PCLO: variants seen among roughly 807,000 people sequenced by gnomAD.
PCLO encodes the protein piccolo presynaptic cytomatrix protein.
PCLO carries 82 observed loss-of-function variants against 427.5 expected under a neutral mutation model. The observed-to-expected ratio is 0.19, with a 90% CI of 0.16 to 0.23. PCLO has a LOEUF of 0.23. Among genes scored for constraint, PCLO ranks in the 10% least tolerant of loss-of-function variants. The probability of loss-of-function intolerance (pLI) is 1.00; values close to 1 mark genes in which losing one functional copy is unlikely to be tolerated. For synonymous variants in PCLO, 2,357 were observed against 2,155.4 expected (o/e 1.09, Z -2.59); for missense variants, 6,239 against 6,115.9 (o/e 1.02, Z -0.67).
intron 20 of PCLO, among the ~76,000 whole-genome samples, chr7:82,811,400 CTGT>C (rs1405116190): frequency 4.6e-5 from 7 of 151,290 alleles, no homozygotes; most frequent in African/African-American, 1.7e-4. Context: ...TGTCATCTAC[CTGT>C]TGTTATTGCT....
Position 82,754,884 on chromosome 7 carries a change from T to C in PCLO, c.*3691A>G, listed in dbSNP as rs1241475480. 1.3e-5 allele frequency: 2 copies of C among 152,086 alleles called. No individual in the cohort carries two copies. The highest frequency in any genetic ancestry group is 4.8e-5 in the African/African-American group (2 of 41,444). The allele number at this position is 152,086 out of a possible 1,614,324, so 9.4% of individuals were successfully genotyped here. Reference sequence around the variant, plus strand: ...CTGTCACACATAACACATATATAGCTGTAGTTGGCTGATTTTGGAATATTT... The same window carrying C: ...CTGTCACACATAACACATATATAGCCGTAGTTGGCTGATTTTGGAATATTT... On this transcript the variant is annotated 3_prime_UTR_variant, in exon 25 of 25. Transcript: ENST00000333891.
chr7:82,939,070 C>A (rs1795020831), intron 6 of PCLO, among the ~76,000 whole-genome samples: 2 of 152,058 alleles, frequency 1.3e-5, no homozygotes, highest in Non-Finnish European at 2.9e-5. Flanking sequence ...GCCCGCGAAC[C>A]TTTCCATTCT....
intron 3 of PCLO, among the ~76,000 whole-genome samples, chr7:83,099,396 T>G (rs1184655254): frequency 2.0e-5 from 3 of 151,356 alleles, no homozygotes; most frequent in African/African-American, 4.9e-5. Context: ...TTTTTGTTTT[T>G]TTTTTTTTTG....
At chr7:82,812,878 G>A (rs1334909409) in intron 20 of PCLO, among the ~76,000 whole-genome samples, 1 of 151,142 alleles carries the variant, frequency 6.6e-6, no homozygotes, top group Non-Finnish European at 1.5e-5. Context: ...CTTGCATTAG[G>A]CTGTCAGATA....
chr7:83,153,846 C>T (rs903196855), intron 2 of PCLO, among the ~76,000 whole-genome samples: 2 of 151,968 alleles, frequency 1.3e-5, no homozygotes, highest in Admixed American at 1.3e-4. Context: ...TTCTTAATGC[C>T]AGAGAATTTC....
At chr7:82,814,007 T>G (rs2115587745) in intron 20 of PCLO, among the ~76,000 whole-genome samples, 1 of 151,916 alleles carries the variant, frequency 6.6e-6, no homozygotes, top group Non-Finnish European at 1.5e-5. Flanking sequence ...ATTGATAATT[T>G]ATAAACAACT....
In PCLO at chr7:82,916,053, T is replaced by A. The variant is rs766896112; in HGVS notation, c.11933A>T (p.Tyr3978Phe). The A allele has an allele frequency of 2.5e-6, 4 of 1,613,132 alleles. No homozygotes were observed. The highest frequency in any genetic ancestry group is 4.5e-5 in the East Asian group (2 of 44,876). Residue 3978 changes from tyrosine to phenylalanine, a missense_variant, in exon 7 of 25, where the codon TAT becomes TTT. Transcript: ENST00000333891. ...AAGGGGTTGGTTGCGAATCACTTCA[T>A]AGTTTGAGGTTATCTTGGGCTCCAA... ...LYLEPKITSN[Y>F]EVIRNQPLMI...
chr7:83,001,911 G>A (rs369606910), intron 3 of PCLO, among the ~76,000 whole-genome samples: 1 of 151,948 alleles, frequency 6.6e-6, no homozygotes, highest in Non-Finnish European at 1.5e-5. Flanking sequence ...CTACATAAAG[G>A]TTTGGGATTC....
intron 12 of PCLO, 45 bp from the exon 13 acceptor site, chr7:82,845,530 G>A (rs1253348174): frequency 3.1e-6 from 4 of 1,290,282 alleles, no homozygotes; most frequent in East Asian, 4.8e-5. Flanking sequence ...CATTTCATAG[G>A]TACTTTATAC....
chr7:83,104,180 G>C (rs535704995), intron 3 of PCLO, among the ~76,000 whole-genome samples: 29 of 104,350 alleles, frequency 2.8e-4, no homozygotes, highest in African/African-American at 1.0e-3. Flanking sequence ...GAAAAATAAA[G>C]ACTTTAAATA....
chr7:82,837,839 T>C (rs914213358), intron 15 of PCLO, among the ~76,000 whole-genome samples: 1 of 152,020 alleles, frequency 6.6e-6, no homozygotes, highest in Non-Finnish European at 1.5e-5. Context: ...CAGTAACTTG[T>C]AAGTCCTTGA....
At chr7:82,956,988 A>G (rs992260241) in intron 4 of PCLO, 53 bp from the exon 5 acceptor site, 8 of 1,468,978 alleles carry the variant, frequency 5.4e-6, no homozygotes, top group Middle Eastern at 1.8e-4. Context: ...AACTAAAAAC[A>G]TGGCCTCTCC....
At chr7:83,028,763 T>C (rs1268415565) in intron 3 of PCLO, among the ~76,000 whole-genome samples, 2 of 150,252 alleles carry the variant, frequency 1.3e-5, no homozygotes, top group East Asian at 3.9e-4. Flanking sequence ...AACAGAGATA[T>C]AGATCAATGG....
At chr7:82,976,976 T>C (rs1320698635) in intron 3 of PCLO, among the ~76,000 whole-genome samples, 1 of 152,200 alleles carries the variant, frequency 6.6e-6, no homozygotes, top group Admixed American at 6.5e-5. Flanking sequence ...AGCATTTGCC[T>C]CCCAAAGTTC....
Position 83,154,994 on chromosome 7 carries a change from G to A in PCLO, c.1647C>T (p.Pro549=). 6.2e-7 allele frequency: 1 copy of A among 1,614,010 alleles called. No individual in the cohort carries two copies. The highest frequency in any genetic ancestry group is 2.2e-5 in the East Asian group (1 of 44,878). Residue 549 remains proline, a synonymous_variant, in exon 2 of 25, where the codon CCC becomes CCT. Transcript: ENST00000333891. ...PSAQQPSPAK[P]SAQQSTKPVS... ...CTGGTTTTGTAGATTGCTGAGCCGA[G>A]GGCTTTGCTGGGCTAGGCTGTTGAG...
rs746260871 is a variant in PCLO, at chr7:82,949,964, G to T, written c.10624C>A (p.Arg3542=). 1 of 1,613,276 alleles carries T rather than the reference G, an allele frequency of 6.2e-7. No individual in the cohort carries two copies. Among genetic ancestry groups the T allele is most frequent in the African/African-American group, 1.3e-5 (1 of 74,708 alleles). The change falls in exon 6 of 25, where the codon CGA becomes AGA. Residue 3542 remains arginine, a synonymous_variant. Coordinates refer to ENST00000333891, the MANE Select transcript of PCLO (RefSeq NM_033026.6). ...ATTATTTCTACCTTGGCATCCACTC[G>T]TGCCCGTATGGAGGGTGTTCTTATG... ...GTIRTPSIRA[R]VDAKVEIIKH...
intron 4 of PCLO, among the ~76,000 whole-genome samples, chr7:82,959,788 T>A (rs540929523): frequency 4.7e-5 from 7 of 148,760 alleles, no homozygotes; most frequent in Non-Finnish European, 1.0e-4. Flanking sequence ...GATGCTGCAA[T>A]GATTTTTTTT....
At chr7:82,936,408 C>T (rs926339724) in intron 6 of PCLO, among the ~76,000 whole-genome samples, 1 of 151,266 alleles carries the variant, frequency 6.6e-6, no homozygotes, top group Non-Finnish European at 1.5e-5. Flanking sequence ...CTGAGAAGCA[C>T]CTAAAAAGAT....
chr7:83,103,291 A>G (rs909840033), intron 3 of PCLO, among the ~76,000 whole-genome samples: 1 of 151,946 alleles, frequency 6.6e-6, no homozygotes, highest in Admixed American at 6.6e-5. Context: ...TAAAAACTAG[A>G]CATTTTACTC....
Sources: allele counts gnomAD v4.1 joint callset (sites outside exome capture counted in the v4.1 genomes callset), GRCh38; gene constraint gnomAD v4.1.1; transcripts MANE v1.5; gene names NCBI Gene and HGNC (gene_info 2026-07-23, HGNC 2026-07-21).